Variants in FAM83G observed in about 807,000 individuals in gnomAD.
FAM83G encodes the protein scaffolding CK1 anchoring protein G.
A neutral mutation model predicts 61.5 loss-of-function variants in FAM83G; 38 were observed. The ratio of observed to expected loss-of-function variants is 0.62; its 90% CI spans 0.48 to 0.81. The LOEUF is 0.81. FAM83G is among the 30% of genes least tolerant of loss of function. FAM83G has a pLI of 0.00. For synonymous variants in FAM83G, 470 were observed against 476.1 expected (o/e 0.99, Z 0.17); for missense variants, 989 against 1,133.6 (o/e 0.87, Z 1.83).
At position 18,978,181 on chromosome 17, in the gene FAM83G, C is replaced by T. The variant is rs1467808871; in HGVS notation, c.1485G>A (p.Gln495=). Residue 495 remains glutamine, a synonymous_variant, in exon 5 of 6, where the codon CAG becomes CAA. Coordinates refer to ENST00000388995, the MANE Select transcript of FAM83G (RefSeq NM_001039999.3). Reference sequence around the variant, plus strand: ...CGGGGGGCAATGGCTCAGGGTCCCCCTGGGGGAGGCCGTTCTCAGCTGGGA... The same window carrying T: ...CGGGGGGCAATGGCTCAGGGTCCCCTTGGGGGAGGCCGTTCTCAGCTGGGA... ...DGVPAENGLP[Q]GDPEPLPPVP... is the part of the protein sequence containing the mutation. 1.9e-6 allele frequency: 3 copies of T among 1,547,188 alleles called. No homozygotes were observed. Among genetic ancestry groups the T allele is most frequent in the Admixed American group, 1.9e-5 (1 of 54,030 alleles).
At chr17:18,993,250 C>T (rs1216585065) in intron 2 of FAM83G, among the ~76,000 whole-genome samples, 1 of 152,214 alleles carries the variant, frequency 6.6e-6, no homozygotes, top group African/African-American at 2.4e-5. Context: ...ATGTTGTTCT[C>T]CTTGCCACCT....
upstream of FAM83G, among the ~76,000 whole-genome samples, chr17:19,005,322 G>A (rs2152145020): frequency 6.6e-6 from 1 of 152,320 alleles, no homozygotes; most frequent in South Asian, 2.1e-4. Flanking sequence ...TGAACCCTAG[G>A]GCAGGGAGGG....
intron 5 of FAM83G, among the ~76,000 whole-genome samples, chr17:18,972,222 G>A (rs887163661): frequency 5.9e-5 from 9 of 152,224 alleles, no homozygotes; most frequent in Non-Finnish European, 8.8e-5. Context: ...GGCAGCTCCA[G>A]GGAGCATGGG....
At chr17:18,981,618 G>C (rs1312957656) in intron 3 of FAM83G, among the ~76,000 whole-genome samples, 1 of 152,176 alleles carries the variant, frequency 6.6e-6, no homozygotes, top group African/African-American at 2.4e-5. Flanking sequence ...CTGTGGCTGG[G>C]GTGGCCCCAG....
chr17:18,978,002 T>A lies in FAM83G; in HGVS notation c.1664A>T (p.Gln555Leu), dbSNP rs1376871734. Residue 555 changes from glutamine to leucine, a missense_variant, in exon 5 of 6, where the codon CAG (glutamine) becomes CTG (leucine). This residue lies in a region of FAM83G where 574 missense variants were observed against 645.1 expected (regional missense o/e 0.89). Coordinates refer to ENST00000388995, the MANE Select transcript of FAM83G (RefSeq NM_001039999.3). ...ATCCTGGGTCACAGATAGCTGCCGC[T>A]GGAGTGGGGCGTGGCCTGGGCCTGC... is the stretch of plus-strand genomic sequence containing the variant. ...RMAGPGHAPL[Q>L]RQLSVTQDDP... 1 of 1,563,856 alleles carries A rather than the reference T, an allele frequency of 6.4e-7. No homozygotes were observed. The highest frequency in any genetic ancestry group is 1.7e-4 in the Middle Eastern group (1 of 5,822).
At chr17:18,973,921 C>A (rs965556484) in intron 5 of FAM83G, among the ~76,000 whole-genome samples, 1 of 97,978 alleles carries the variant, frequency 1.0e-5, no homozygotes, top group Non-Finnish European at 2.0e-5. Context: ...GAGACATAGT[C>A]TTGTTCTGTC....
rs2043803270 is a variant in FAM83G at position 19,003,858 on chromosome 17, G to T, written c.184C>A (p.Leu62Met). 3.7e-6 allele frequency: 6 copies of T among 1,613,072 alleles called. No individual in the cohort carries two copies. The highest frequency in any genetic ancestry group is 5.1e-6 in the Non-Finnish European group (6 of 1,179,936). Residue 62 changes from leucine to methionine, a missense_variant, in exon 2 of 6, where the codon CTG (leucine) becomes ATG (methionine). Leu to Met is a conservative substitution (Grantham distance 15). This residue lies in a region of FAM83G where 371 missense variants were observed against 404.5 expected (regional missense o/e 0.92). Coordinates refer to ENST00000388995, the MANE Select transcript of FAM83G (RefSeq NM_001039999.3). This position sits in a 1 kb window ranked among gnomAD's most constrained non-coding sequence, Gnocchi z 4.5. ...RENIRDFLSE[L>M]ELKRILETIE... ...GTCTCCAGGATGCGCTTGAGCTCCA[G>T]CTCCGAGAGGAAGTCTCGGATGTTC...
At chr17:18,982,791 G>T (rs1019382156) in intron 3 of FAM83G, among the ~76,000 whole-genome samples, 1 of 152,238 alleles carries the variant, frequency 6.6e-6, no homozygotes, top group Non-Finnish European at 1.5e-5. Flanking sequence ...CCTGGAGTGG[G>T]TCTAGGGTCT....
At position 18,969,140 on chromosome 17, in the gene FAM83G, C is replaced by CCCTGTACACCATCGCAGGTATGGT; in HGVS notation, c.*2195_*2218dup. The CCCTGTACACCATCGCAGGTATGGT allele has an allele frequency of 6.2e-7, 1 of 1,614,006 alleles. No homozygotes were observed. Among genetic ancestry groups the CCCTGTACACCATCGCAGGTATGGT allele is most frequent in the Non-Finnish European group, 8.5e-7 (1 of 1,179,952 alleles). On this transcript the variant is annotated 3_prime_UTR_variant, in exon 6 of 6. Transcript: ENST00000388995. ...ACCATCCTCACGCTCGGCATCACAG[C>CCCTGTACACCATCGCAGGTATGGT]CCTGTACACCATCGCAGGTATGGTG... is the stretch of plus-strand genomic sequence containing the variant.
Position 18,978,925 on chromosome 17 carries a change from C to T in FAM83G, c.816-75G>A, listed in dbSNP as rs372257361. 4.0e-5 allele frequency: 62 copies of T among 1,537,498 alleles called. No individual in the cohort carries two copies. In the African/African-American group the frequency reaches 6.7e-4, roughly 17 times the overall value. On this transcript the variant is annotated intron_variant, in intron 4 of 5. Coordinates refer to ENST00000388995, the MANE Select transcript of FAM83G (RefSeq NM_001039999.3). ...CGCCCAGCCCCCGTGCACCCATAGC[C>T]GCTGGGCCTCAGACTGTGGCCACAG...
rs578042935 is a variant in FAM83G, at chr17:18,992,556, G to A, written c.523-4142C>T. On this transcript the variant is annotated intron_variant, in intron 2 of 5. Coordinates refer to ENST00000388995, the MANE Select transcript of FAM83G (RefSeq NM_001039999.3). ...GACAGGGCTTTAGGTCACAGAGGCA[G>A]GGAGCACAGGCGTGGGCCTCCTCAA... is the stretch of plus-strand genomic sequence containing the variant. Among the ~76,000 whole-genome samples the A allele has an allele frequency of 5.3e-5, 8 of 152,362 alleles. No individual in the cohort carries two copies. In the East Asian group the frequency reaches 1.5e-3, roughly 29 times the overall value.
Position 18,971,874 on chromosome 17 carries a change from G to T in FAM83G, c.2083-126C>A. ...CGCCTCCTGGCTCTGCCATTCACCA[G>T]GGAGTGGGCCTAGACCAGTTGGTTT... is the stretch of plus-strand genomic sequence containing the variant. On this transcript the variant is annotated intron_variant, in intron 5 of 5. Coordinates refer to ENST00000388995, the MANE Select transcript of FAM83G (RefSeq NM_001039999.3). This position sits in a 1 kb window ranked among gnomAD's most constrained non-coding sequence, Gnocchi z 5.5. 9.8e-7 allele frequency: 1 copy of T among 1,017,644 alleles called. No individual in the cohort carries two copies. The highest frequency in any genetic ancestry group is 1.7e-5 in the South Asian group (1 of 58,802). 63.0% of individuals were successfully genotyped at this position (1,017,644 alleles called of 1,614,324 possible).
Position 18,971,841 on chromosome 17 carries a change from C to T in FAM83G, c.2083-93G>A. On this transcript the variant is annotated intron_variant, in intron 5 of 5. Transcript: ENST00000388995. The surrounding 1 kb of genome is among the most constrained non-coding windows in gnomAD (Gnocchi z 5.5). The stretch of plus-strand genomic sequence containing the variant: ...GCTCAGGCACACAGGAGCCGGCAGG[C>T]CCGGGTTCGCCTCCTGGCTCTGCCA... 1 of 1,383,082 alleles carries T rather than the reference C, an allele frequency of 7.2e-7. No individual in the cohort carries two copies. Among genetic ancestry groups the T allele is most frequent in the Non-Finnish European group, 9.7e-7 (1 of 1,032,576 alleles). 85.7% of individuals were successfully genotyped at this position (1,383,082 alleles called of 1,614,324 possible).
rs1386363663 is a variant in FAM83G at position 19,003,330 on chromosome 17, C to A, written c.522+190G>T. Among the ~76,000 whole-genome samples the A allele has an allele frequency of 2.0e-5, 3 of 152,034 alleles. No homozygotes were observed. Among genetic ancestry groups the A allele is most frequent in the Non-Finnish European group, 4.4e-5 (3 of 67,992 alleles). The stretch of plus-strand genomic sequence containing the variant: ...CACCTGCTAGGACCTGGGAACCCTA[C>A]CCTGCAAAGAAACTGCGGATCCCCA... On this transcript the variant is annotated intron_variant, in intron 2 of 5. Coordinates refer to ENST00000388995, the MANE Select transcript of FAM83G (RefSeq NM_001039999.3). This position sits in a 1 kb window ranked among gnomAD's most constrained non-coding sequence, Gnocchi z 4.5.
At chr17:18,984,603 G>A (rs1390887157) in intron 3 of FAM83G, among the ~76,000 whole-genome samples, 1 of 152,248 alleles carries the variant, frequency 6.6e-6, no homozygotes, top group African/African-American at 2.4e-5. Context: ...CCCAGGGGCT[G>A]CTGGTATTTC....
Position 18,971,471 on chromosome 17 carries a change from T to A in FAM83G, c.2360A>T (p.Tyr787Phe), listed in dbSNP as rs754474365. 1 of 1,613,698 alleles carries A rather than the reference T, an allele frequency of 6.2e-7. No individual in the cohort carries two copies. The highest frequency in any genetic ancestry group is 8.5e-7 in the Non-Finnish European group (1 of 1,179,974). The part of the protein sequence containing the change: ...EEHPSPFGIP[Y>F]SKLSQSKHLK... Reference sequence around the variant, plus strand: ...GTGCTTCGACTGAGACAGTTTGGAGTATGGGATTCCGAAGGGACTCGGATG... The same window carrying A: ...GTGCTTCGACTGAGACAGTTTGGAGAATGGGATTCCGAAGGGACTCGGATG... The change falls in exon 6 of 6, where the codon TAC becomes TTC. Residue 787 changes from tyrosine (Y) to phenylalanine (F), a missense_variant. Transcript: ENST00000388995. This position sits in a 1 kb window ranked among gnomAD's most constrained non-coding sequence, Gnocchi z 5.5.
upstream of FAM83G, among the ~76,000 whole-genome samples, chr17:19,005,369 C>T (rs1370969610): frequency 1.3e-5 from 2 of 151,900 alleles, no homozygotes; most frequent in East Asian, 3.8e-4. Context: ...TCAGGCCCAG[C>T]TCTCTGCTGA....
intron 2 of FAM83G, among the ~76,000 whole-genome samples, chr17:18,999,634 A>T (rs1358129018): frequency 1.3e-5 from 2 of 152,238 alleles, no homozygotes; most frequent in Non-Finnish European, 2.9e-5. Flanking sequence ...TAAGCACCTC[A>T]TTAAGCTGCT....
At chr17:18,982,714 A>G (rs978695089) in intron 3 of FAM83G, among the ~76,000 whole-genome samples, 1 of 152,178 alleles carries the variant, frequency 6.6e-6, no homozygotes, top group Non-Finnish European at 1.5e-5. Flanking sequence ...ACATGTGCTT[A>G]AAGGACATGT....
Sources: allele counts gnomAD v4.1 joint callset (sites outside exome capture counted in the v4.1 genomes callset), GRCh38; gene constraint gnomAD v4.1.1; regional missense constraint gnomAD v4.1.1; non-coding constraint Gnocchi (gnomAD v3.1); transcripts MANE v1.5; gene names NCBI Gene and HGNC (gene_info 2026-07-23, HGNC 2026-07-21).